NEDD1: variants seen among roughly 807,000 people sequenced by gnomAD.
The protein encoded by NEDD1 is protein NEDD1.
NEDD1 carries 33 observed loss-of-function variants against 74.0 expected under a neutral mutation model. That is an observed-to-expected ratio of 0.45 (90% CI 0.34 to 0.60). The LOEUF (loss-of-function observed/expected upper bound fraction) is 0.60, where lower values mean the gene tolerates loss of function less well. Among genes scored for constraint, NEDD1 ranks in the 20% least tolerant of loss-of-function variants. The pLI, the probability that NEDD1 is intolerant of heterozygous loss-of-function variation, is 0.01. For synonymous variants in NEDD1, 250 were observed against 264.4 expected (o/e 0.95, Z 0.53); for missense variants, 746 against 776.5 (o/e 0.96, Z 0.47).
Position 96,934,968 on chromosome 12 carries a change from T to C in NEDD1, c.490-8T>C. ...AATTACATAAAATTTATTCTTTCAT[T>C]TTTATAGTCTGTTCGGCACTTGAAG... On this transcript the variant is annotated splice_region_variant and splice_polypyrimidine_tract_variant and intron_variant, in intron 6 of 15. Transcript: ENST00000266742. 8 of 1,543,088 alleles carry C rather than the reference T, an allele frequency of 5.2e-6. No homozygotes were observed. The highest frequency in any genetic ancestry group is 2.7e-5 in the African/African-American group (2 of 73,494).
chr12:96,924,581 TTTG>T (rs1428195072), intron 6 of NEDD1, among the ~76,000 whole-genome samples: 2 of 152,204 alleles, frequency 1.3e-5, no homozygotes, highest in African/African-American at 4.8e-5. Flanking sequence ...AATTGCATTT[TTTG>T]TTAAATTTTA....
In NEDD1 at chr12:96,917,632, A is replaced by G; in HGVS notation, c.243A>G (p.Thr81=). The G allele has an allele frequency of 6.6e-7, 1 of 1,510,056 alleles. No individual in the cohort carries two copies. Among genetic ancestry groups the G allele is most frequent in the Non-Finnish European group, 8.8e-7 (1 of 1,139,026 alleles). 93.5% of individuals were successfully genotyped at this position (1,510,056 alleles called of 1,614,324 possible). Reference sequence around the variant, plus strand: ...TTTTTTTTAAATAGCAAAAGCAGACATGTGTCAATTTAAATTCTACATCTA... The same window carrying G: ...TTTTTTTTAAATAGCAAAAGCAGACGTGTGTCAATTTAAATTCTACATCTA... The part of the protein sequence containing the change: ...LLELAEGQKQ[T]CVNLNSTSMY... The change falls in exon 5 of 16, where the codon ACA becomes ACG. Residue 81 remains threonine (T), a synonymous_variant. Coordinates refer to ENST00000266742, the MANE Select transcript of NEDD1 (RefSeq NM_152905.4).
rs1029872671 is a variant in NEDD1 at position 96,936,591 on chromosome 12, C to G, written c.720-20C>G. On this transcript the variant is annotated intron_variant, in intron 7 of 15. Transcript: ENST00000266742. ...GTACACACTAACATTTCTACACATA[C>G]TTTGTTCTCCTTTCCAAAGGCTAGT... 5 of 1,568,050 alleles carry G rather than the reference C, an allele frequency of 3.2e-6. No homozygotes were observed. The African/African-American group carries it at 6.8e-5, about 21-fold the overall frequency.
At position 96,943,514 on chromosome 12, in the gene NEDD1, A is replaced by G. The variant is rs1216874235; in HGVS notation, c.1295-46A>G. 2.2e-6 allele frequency: 3 copies of G among 1,348,846 alleles called. No homozygotes were observed. In the South Asian group the frequency reaches 3.7e-5, roughly 17 times the overall value. 83.6% of individuals were successfully genotyped at this position (1,348,846 alleles called of 1,614,324 possible). On this transcript the variant is annotated intron_variant, in intron 11 of 15. Coordinates refer to ENST00000266742, the MANE Select transcript of NEDD1 (RefSeq NM_152905.4). Reference sequence around the variant, plus strand: ...TGTTAAATGCTTTTCTTCAATGTCCAAAATTGGAGGACACCATATGCACAT... The same window carrying G: ...TGTTAAATGCTTTTCTTCAATGTCCGAAATTGGAGGACACCATATGCACAT...
intron 6 of NEDD1, among the ~76,000 whole-genome samples, chr12:96,920,774 A>G: frequency 6.6e-6 from 1 of 152,174 alleles, no homozygotes; most frequent in East Asian, 1.9e-4. Flanking sequence ...AAGTTCTTTC[A>G]ATTTTTACTT....
At chr12:96,918,647 T>A (rs1874728368) in intron 5 of NEDD1, among the ~76,000 whole-genome samples, 1 of 152,224 alleles carries the variant, frequency 6.6e-6, no homozygotes, top group African/African-American at 2.4e-5. Flanking sequence ...TAGTGGGAAA[T>A]CTAATCTTTT....
intron 6 of NEDD1, among the ~76,000 whole-genome samples, chr12:96,928,582 C>T (rs1259336895): frequency 1.3e-5 from 2 of 149,690 alleles, no homozygotes; most frequent in Non-Finnish European, 3.0e-5. Flanking sequence ...CTAGGTTATT[C>T]AAAGGAATTT....
chr12:96,942,762 T>C (rs541342860), intron 11 of NEDD1, 138 bp downstream of exon 11: 5 of 598,336 alleles, frequency 8.4e-6, no homozygotes, highest in South Asian at 6.6e-5. Context: ...TATTAAGAAC[T>C]GAGCATGACT....
At chr12:96,946,624 T>C (rs1313003649) in intron 14 of NEDD1, among the ~76,000 whole-genome samples, 1 of 152,218 alleles carries the variant, frequency 6.6e-6, no homozygotes, top group Admixed American at 6.5e-5. Flanking sequence ...CCCTACCTAG[T>C]ATATGTACCA....
At chr12:96,918,414 A>T (rs1007072397) in intron 5 of NEDD1, among the ~76,000 whole-genome samples, 2 of 140,342 alleles carry the variant, frequency 1.4e-5, no homozygotes, top group Non-Finnish European at 3.1e-5. Context: ...TATGAAAAAT[A>T]TAAACATATT....
intron 3 of NEDD1, 44 bp downstream of exon 3, chr12:96,909,939 G>A (rs531277402): frequency 5.2e-6 from 8 of 1,551,348 alleles, no homozygotes; most frequent in Non-Finnish European, 4.3e-6. Flanking sequence ...CACACAAACC[G>A]CTTATTAGGT....
chr12:96,918,500 G>A (rs76300103), intron 5 of NEDD1, among the ~76,000 whole-genome samples: 1,525 of 152,126 alleles, frequency 0.01, 69 homozygotes, highest in East Asian at 0.095. Context: ...CCCCATCCCT[G>A]CATGGCAAAA....
At chr12:96,920,208 T>C (rs1874919576) in intron 6 of NEDD1, 83 bp downstream of exon 6, 1 of 816,056 alleles carries the variant, frequency 1.2e-6, no homozygotes, top group Non-Finnish European at 1.8e-6. Flanking sequence ...TTTAAGTTTT[T>C]GAAATGCTTG....
chr12:96,937,675 C>T (rs1339299575), intron 9 of NEDD1, among the ~76,000 whole-genome samples: 1 of 151,986 alleles, frequency 6.6e-6, no homozygotes, highest in Non-Finnish European at 1.5e-5. Flanking sequence ...ATTATTCATC[C>T]TTAATACTAC....
chr12:96,935,598 C>T (rs1457517375), intron 7 of NEDD1, among the ~76,000 whole-genome samples: 1 of 152,002 alleles, frequency 6.6e-6, no homozygotes, highest in Non-Finnish European at 1.5e-5. Context: ...GAGGGGCTGT[C>T]CTGGGTATTG....
chr12:96,923,834 CTG>C (rs935254874), intron 6 of NEDD1, among the ~76,000 whole-genome samples: 19 of 87,582 alleles, frequency 2.2e-4, no homozygotes, highest in Admixed American at 9.3e-4. Context: ...GTGTGTGAAA[CTG>C]TATGCCTGTT....
chr12:96,951,833 T>A, intron 15 of NEDD1, 116 bp from the exon 16 acceptor site: 1 of 624,468 alleles, frequency 1.6e-6, no homozygotes, highest in East Asian at 2.8e-5. Context: ...ACAAGAAATA[T>A]CATTCACCTA....
chr12:96,940,428 C>T lies in NEDD1; in HGVS notation c.1137C>T (p.Asn379=). Residue 379 remains asparagine (N), a synonymous_variant, in exon 10 of 16, where the codon AAC becomes AAT. Coordinates refer to ENST00000266742, the MANE Select transcript of NEDD1 (RefSeq NM_152905.4). ...TATAAGGTTTGCCTCGAAGCATAAA[C>T]ACAGACACTTTATCTAAGGAAACAG... The part of the protein sequence containing the change: ...QEKAGLPRSI[N]TDTLSKETDS... The T allele has an allele frequency of 6.3e-7, 1 of 1,596,350 alleles. No individual in the cohort carries two copies. Among genetic ancestry groups the T allele is most frequent in the Non-Finnish European group, 8.6e-7 (1 of 1,165,592 alleles).
Position 96,945,615 on chromosome 12 carries a change from T to A in NEDD1, c.1655-78T>A, listed in dbSNP as rs1878114362. On this transcript the variant is annotated intron_variant, in intron 13 of 15. Coordinates refer to ENST00000266742, the MANE Select transcript of NEDD1 (RefSeq NM_152905.4). ...TTTGCCAGTTTTTCAAGTTTGCACATGCCAAATCTTATTTAGAAATGTTTG... is the reference window on the plus strand; with the variant it reads ...TTTGCCAGTTTTTCAAGTTTGCACAAGCCAAATCTTATTTAGAAATGTTTG... The A allele has an allele frequency of 3.3e-6, 3 of 900,016 alleles. No individual in the cohort carries two copies. The South Asian group carries it at 5.1e-5, about 15-fold the overall frequency. The allele number at this position is 900,016 out of a possible 1,614,324, so 55.8% of individuals were successfully genotyped here. A position where few individuals can be genotyped will look rare whatever the true frequency, so the allele number is the denominator to read the frequency against.
Sources: allele counts gnomAD v4.1 joint callset (sites outside exome capture counted in the v4.1 genomes callset), GRCh38; gene constraint gnomAD v4.1.1; transcripts MANE v1.5; gene names NCBI Gene and HGNC (gene_info 2026-07-23, HGNC 2026-07-21).